PDGFD: variants seen among roughly 807,000 people sequenced by gnomAD.
PDGFD encodes platelet-derived growth factor D.
In PDGFD, 30 loss-of-function variants were observed where a neutral mutation model predicts 44.7. The ratio of observed to expected loss-of-function variants is 0.67; its 90% CI spans 0.50 to 0.91. PDGFD has a LOEUF of 0.91. Among genes scored for constraint, PDGFD ranks in the 40% least tolerant of loss-of-function variants. The pLI is 0.00. For missense variants in PDGFD, 445 were observed against 457.8 expected (o/e 0.97, Z 0.25); for synonymous variants, 173 against 168.4 (o/e 1.03, Z -0.21).
chr11:103,939,922 A>G (rs534025498), intron 5 of PDGFD, among the ~76,000 whole-genome samples: 202 of 152,256 alleles, frequency 1.3e-3, no homozygotes, highest in Non-Finnish European at 2.2e-3. Context: ...AGTTGAATAT[A>G]TTAACTTGTT....
At chr11:104,106,392 A>T (rs1452243855) in intron 1 of PDGFD, among the ~76,000 whole-genome samples, 1 of 152,032 alleles carries the variant, frequency 6.6e-6, no homozygotes, top group East Asian at 1.9e-4. Flanking sequence ...AGACAAGATT[A>T]CTACCTGTGC....
chr11:103,943,586 T>C lies in PDGFD; in HGVS notation c.638A>G (p.Lys213Arg). The C allele has an allele frequency of 6.2e-7, 1 of 1,613,300 alleles. No individual in the cohort carries two copies. The highest frequency in any genetic ancestry group is 8.5e-7 in the Non-Finnish European group (1 of 1,179,562). Reference protein sequence around the residue: ...PTLIADALDKKIAEFDTVEDL... With the variant: ...PTLIADALDKRIAEFDTVEDL... The stretch of plus-strand genomic sequence containing the variant: ...TTCCACTGTATCAAATTCTGCAATT[T>C]TTTTGTCCAGAGCATCCGCAATCAG... Residue 213 changes from lysine to arginine, a missense_variant, in exon 5 of 7, where the codon AAA becomes AGA. Coordinates refer to ENST00000393158, the MANE Select transcript of PDGFD (RefSeq NM_025208.5).
At chr11:103,958,768 A>G (rs898494855) in intron 3 of PDGFD, among the ~76,000 whole-genome samples, 2 of 152,186 alleles carry the variant, frequency 1.3e-5, no homozygotes, top group African/African-American at 2.4e-5. Context: ...CGTTATATAA[A>G]TAGATTTTCT....
At chr11:104,131,918 C>A (rs985441701) in intron 1 of PDGFD, among the ~76,000 whole-genome samples, 2 of 148,658 alleles carry the variant, frequency 1.3e-5, no homozygotes, top group African/African-American at 4.9e-5. Flanking sequence ...AGAGATAAAA[C>A]TGACAAGTGG....
chr11:104,141,365 T>C (rs971369488), intron 1 of PDGFD, among the ~76,000 whole-genome samples: 2 of 152,018 alleles, frequency 1.3e-5, no homozygotes, highest in African/African-American at 2.4e-5. Flanking sequence ...GCAGCACATA[T>C]ACTAAAATTG....
At chr11:103,994,973 G>A (rs999568848) in intron 3 of PDGFD, among the ~76,000 whole-genome samples, 2 of 150,414 alleles carry the variant, frequency 1.3e-5, no homozygotes, top group Non-Finnish European at 3.0e-5. Context: ...TCAAACTCCT[G>A]GGCTCAACAA....
intron 1 of PDGFD, among the ~76,000 whole-genome samples, chr11:104,128,248 G>A (rs1861867689): frequency 6.6e-6 from 1 of 152,072 alleles, no homozygotes; most frequent in Non-Finnish European, 1.5e-5. Context: ...TCATACCTTA[G>A]TAAAGGATAT....
rs1415365076 is a variant in PDGFD, at chr11:103,908,075, C to T, written c.*1619G>A. On this transcript the variant is annotated 3_prime_UTR_variant, in exon 7 of 7. Coordinates refer to ENST00000393158, the MANE Select transcript of PDGFD (RefSeq NM_025208.5). ...TTAGGTCACTCATCTAACACTGGGACTTTACCAGCCCTGTCACCCAAACTG... is the reference window on the plus strand; with the variant it reads ...TTAGGTCACTCATCTAACACTGGGATTTTACCAGCCCTGTCACCCAAACTG... 1.3e-5 allele frequency: 2 copies of T among 152,178 alleles called. No homozygotes were observed. The highest frequency in any genetic ancestry group is 4.8e-5 in the African/African-American group (2 of 41,458). The allele number at this position is 152,178 out of a possible 1,614,324, so 9.4% of individuals were successfully genotyped here.
At position 104,119,386 on chromosome 11, in the gene PDGFD, T is replaced by TC. The variant is rs1221494786; in HGVS notation, c.124+44417_124+44418insG. On this transcript the variant is annotated intron_variant, in intron 1 of 6. Coordinates refer to ENST00000393158, the MANE Select transcript of PDGFD (RefSeq NM_025208.5). The stretch of plus-strand genomic sequence containing the variant: ...TGATATAATATATTGATATAATATA[T>TC]AATATGATATAATATATAATATAAT... Among the ~76,000 whole-genome samples, 2 of 3,706 alleles carry TC rather than the reference T, an allele frequency of 5.4e-4. 1 individual carries two copies. The highest frequency in any genetic ancestry group is 7.0e-4 in the African/African-American group (2 of 2,858). The allele number at this position is 3,706 out of a possible 152,430, so 2.4% of individuals were successfully genotyped here. A position where few individuals can be genotyped will look rare whatever the true frequency, so the allele number is the denominator to read the frequency against.
chr11:104,164,053 C>CATT lies in PDGFD; in HGVS notation c.-127_-126insAAT, dbSNP rs1266054586. 2.7e-6 allele frequency: 3 copies of CATT among 1,104,954 alleles called. No individual in the cohort carries two copies. In the East Asian group the frequency reaches 8.2e-5, roughly 30 times the overall value. The allele number at this position is 1,104,954 out of a possible 1,614,324, so 68.4% of individuals were successfully genotyped here. A position where few individuals can be genotyped will look rare whatever the true frequency, so the allele number is the denominator to read the frequency against. ...CCCTGCGCTGGCCCGGGTCGCTGTG[C>CATT]TAATCGCCGAGCTCTCCCCAAACTT... On this transcript the variant is annotated 5_prime_UTR_variant, in exon 1 of 7. The change creates a new upstream start codon in the 5' untranslated region. Transcript: ENST00000393158.
intron 1 of PDGFD, among the ~76,000 whole-genome samples, chr11:104,045,947 G>A (rs1860435551): frequency 6.8e-6 from 1 of 146,770 alleles, no homozygotes; most frequent in Admixed American, 6.9e-5. Context: ...GTGATTCTAT[G>A]ATAGGAACTG....
intron 1 of PDGFD, among the ~76,000 whole-genome samples, chr11:104,080,621 TC>T (rs1861031509): frequency 6.6e-6 from 1 of 152,116 alleles, no homozygotes; most frequent in African/African-American, 2.4e-5. Context: ...GGAGCCACCA[TC>T]CATTGTGTGC....
At chr11:103,913,483 C>G (rs1209709577) in intron 6 of PDGFD, among the ~76,000 whole-genome samples, 2 of 152,192 alleles carry the variant, frequency 1.3e-5, no homozygotes, top group Non-Finnish European at 2.9e-5. Context: ...ACCAGAATCT[C>G]TGGGGCATAT....
chr11:104,000,264 A>G lies in PDGFD; in HGVS notation c.125-9T>C. The stretch of plus-strand genomic sequence containing the variant: ...TGTGAGGTGATTGCTCTCTGTTAGT[A>G]GTCACAACTTGTAGAAATTAGTATG... On this transcript the variant is annotated splice_polypyrimidine_tract_variant and intron_variant, in intron 1 of 6. Transcript: ENST00000393158. The G allele has an allele frequency of 6.2e-7, 1 of 1,609,956 alleles. No homozygotes were observed. Among genetic ancestry groups the G allele is most frequent in the East Asian group, 2.2e-5 (1 of 44,852 alleles).
intron 3 of PDGFD, among the ~76,000 whole-genome samples, chr11:103,986,911 T>C (rs1449862134): frequency 2.6e-5 from 4 of 152,168 alleles, no homozygotes; most frequent in Non-Finnish European, 4.4e-5. Flanking sequence ...TTGCAGAACC[T>C]GCACTGGATG....
intron 1 of PDGFD, among the ~76,000 whole-genome samples, chr11:104,088,753 C>T (rs1475574367): frequency 3.3e-5 from 5 of 152,174 alleles, no homozygotes; most frequent in East Asian, 3.9e-4. Context: ...AGATCAGACT[C>T]GTGGATTCTT....
chr11:103,916,666 T>C (rs1041283309), intron 6 of PDGFD, among the ~76,000 whole-genome samples: 1 of 152,140 alleles, frequency 6.6e-6, no homozygotes, highest in Admixed American at 6.5e-5. Flanking sequence ...CTGATCACAA[T>C]AGCAAAGACT....
intron 1 of PDGFD, among the ~76,000 whole-genome samples, chr11:104,051,801 C>T (rs1362537011): frequency 6.6e-6 from 1 of 151,956 alleles, no homozygotes; most frequent in Non-Finnish European, 1.5e-5. Flanking sequence ...CAATTAACCA[C>T]TGTGCTTTTT....
At chr11:103,976,741 T>G (rs1186169019) in intron 3 of PDGFD, among the ~76,000 whole-genome samples, 1 of 152,110 alleles carries the variant, frequency 6.6e-6, no homozygotes, top group Non-Finnish European at 1.5e-5. Flanking sequence ...GATAGTTTAT[T>G]GAGAGTTTTT....
Sources: allele counts gnomAD v4.1 joint callset (sites outside exome capture counted in the v4.1 genomes callset), GRCh38; gene constraint gnomAD v4.1.1; transcripts MANE v1.5; gene names NCBI Gene and HGNC (gene_info 2026-07-23, HGNC 2026-07-21).